The following UBN2 variants were observed in gnomAD, a reference collection of about 807,000 sequenced individuals.
The protein encoded by UBN2 is ubinuclein-2.
UBN2 carries 35 observed loss-of-function variants against 120.2 expected under a neutral mutation model. That is an observed-to-expected ratio of 0.29 (90% CI 0.22 to 0.39). The LOEUF (loss-of-function observed/expected upper bound fraction) is 0.39. Among genes scored for constraint, UBN2 ranks in the 10% least tolerant of loss-of-function variants. The probability of loss-of-function intolerance (pLI) is 1.00; values close to 1 mark genes in which losing one functional copy is unlikely to be tolerated. For missense variants in UBN2, 1,693 were observed against 1,663.2 expected (o/e 1.02, Z -0.31); for synonymous variants, 661 against 648.7 (o/e 1.02, Z -0.29).
In UBN2 at chr7:139,261,261, T is replaced by G; in HGVS notation, c.915T>G (p.Ala305=). Residue 305 remains alanine (A), a synonymous_variant, in exon 6 of 18, where the codon GCT becomes GCG. Transcript: ENST00000473989. ...KKVPKQLGVV[A]LNSHKSEKKK... is the part of the protein sequence containing the mutation. The stretch of plus-strand genomic sequence containing the variant: ...ATTTTTGTCTTCACAGAGTTGTGGC[T>G]CTAAATTCACACAAGTCTGAAAAAA... The G allele has an allele frequency of 6.2e-7, 1 of 1,605,448 alleles. No homozygotes were observed.
intron 3 of UBN2, among the ~76,000 whole-genome samples, chr7:139,255,927 CTT>C (rs1304615516): frequency 1.3e-5 from 2 of 152,162 alleles, no homozygotes; most frequent in African/African-American, 4.8e-5. Context: ...TAGATAGTCT[CTT>C]TTAAATTTCA....
intron 2 of UBN2, among the ~76,000 whole-genome samples, chr7:139,237,961 A>C (rs541847528): frequency 5.3e-5 from 8 of 152,352 alleles, no homozygotes; most frequent in African/African-American, 1.9e-4. Flanking sequence ...ATTCAGTGCC[A>C]CAATATAGTG....
At chr7:139,252,343 C>G (rs888614915) in intron 3 of UBN2, among the ~76,000 whole-genome samples, 1 of 151,902 alleles carries the variant, frequency 6.6e-6, no homozygotes, top group African/African-American at 2.4e-5. Flanking sequence ...GTATTTTAGA[C>G]TTTGTGAACC....
intron 2 of UBN2, among the ~76,000 whole-genome samples, chr7:139,250,906 A>G (rs909259695): frequency 8.5e-5 from 13 of 152,306 alleles, no homozygotes; most frequent in Admixed American, 8.5e-4. Flanking sequence ...CAGAAGTTCA[A>G]GAACAGCCTG....
chr7:139,289,039 A>G (rs1016871405), intron 15 of UBN2, among the ~76,000 whole-genome samples: 3 of 151,956 alleles, frequency 2.0e-5, no homozygotes, highest in Non-Finnish European at 4.4e-5. Context: ...CACTACGGGA[A>G]GAGCAAGGAT....
chr7:139,232,017 C>G, intron 1 of UBN2, 65 bp downstream of exon 1: 1 of 1,506,506 alleles, frequency 6.6e-7, no homozygotes, highest in South Asian at 1.1e-5. Flanking sequence ...CCTTCCCCAG[C>G]TGGTTTGCAC....
At position 139,300,187 on chromosome 7, in the gene UBN2, T is replaced by C. The variant is rs1029986863; in HGVS notation, c.*2351T>C. On this transcript the variant is annotated 3_prime_UTR_variant, in exon 18 of 18. Coordinates refer to ENST00000473989, the MANE Select transcript of UBN2 (RefSeq NM_173569.4). ...ATCTGAAGGCCCTTGGCTCCAAGAATACAATGTGGAGATTCTTCTGTGTTC... is the reference window on the plus strand; with the variant it reads ...ATCTGAAGGCCCTTGGCTCCAAGAACACAATGTGGAGATTCTTCTGTGTTC... The C allele has an allele frequency of 6.6e-6, 1 of 152,172 alleles. No homozygotes were observed. The allele number at this position is 152,172 out of a possible 1,614,324, so 9.4% of individuals were successfully genotyped here.
Position 139,272,421 on chromosome 7 carries a change from A to G in UBN2, c.1696A>G (p.Ser566Gly), listed in dbSNP as rs1797304199. The change falls in exon 9 of 18, where the codon AGT becomes GGT. Residue 566 changes from serine to glycine, a missense_variant. Around this residue, in one of 5 missense-constraint regions of UBN2, gnomAD observed 178 missense variants for 204.0 expected, o/e 0.87. Transcript: ENST00000473989. ...FKYQEDCQAR[S>G]QAKCAKLQTD... ...ATACCAGGAGGACTGCCAGGCTCGT[A>G]GTCAAGCTAAGTGTGCCAAGTATGT... 3 of 1,612,940 alleles carry G rather than the reference A, an allele frequency of 1.9e-6. No homozygotes were observed. The highest frequency in any genetic ancestry group is 2.5e-6 in the Non-Finnish European group (3 of 1,179,722).
rs769173784 is a variant in UBN2, at chr7:139,297,974, AAAAAG to A, written c.*148_*152del. ...CGTCCCAAGCACTGTGGTGAGGAGG[AAAAAG>A]AAAAGAAAACATTACTTGAGCAAAG... On this transcript the variant is annotated 3_prime_UTR_variant, in exon 18 of 18. Transcript: ENST00000473989. The A allele has an allele frequency of 1.1e-6, 1 of 933,036 alleles. No homozygotes were observed. The allele number at this position is 933,036 out of a possible 1,614,324, so 57.8% of individuals were successfully genotyped here.
chr7:139,284,685 C>T, intron 15 of UBN2, 111 bp downstream of exon 15: 1 of 912,904 alleles, frequency 1.1e-6, no homozygotes, highest in Non-Finnish European at 1.6e-6. Context: ...TCTCAATTGG[C>T]TTATTACAGC....
the UBN2 span, among the ~76,000 whole-genome samples, chr7:139,324,692 C>T: frequency 0.23 from 34,414 of 149,400 alleles, 4,246 homozygotes; most frequent in Admixed American, 0.35. Flanking sequence ...AGAATATGGC[C>T]GGGCGCGGTG....
chr7:139,286,426 C>A (rs1797789734), intron 15 of UBN2, among the ~76,000 whole-genome samples: 2 of 152,098 alleles, frequency 1.3e-5, no homozygotes, highest in African/African-American at 4.8e-5. Context: ...TATGCCACTT[C>A]TTTGTATTCT....
chr7:139,285,197 T>C (rs1797748099), intron 15 of UBN2, among the ~76,000 whole-genome samples: 1 of 152,174 alleles, frequency 6.6e-6, no homozygotes, highest in Admixed American at 6.5e-5. Context: ...GCTGAGTGCC[T>C]CACTCAAGCA....
intron 2 of UBN2, among the ~76,000 whole-genome samples, chr7:139,239,518 A>C (rs557322317): frequency 1.3e-5 from 2 of 148,300 alleles, no homozygotes; most frequent in Admixed American, 1.3e-4. Context: ...CTAAATTACC[A>C]GTTCTACTCC....
In UBN2 at chr7:139,293,273, G is replaced by A; in HGVS notation, c.3711G>A (p.Leu1237=). The change falls in exon 16 of 18, where the codon CTG becomes CTA. Residue 1237 remains leucine, a synonymous_variant. Transcript: ENST00000473989. The stretch of plus-strand genomic sequence containing the variant: ...CATTATTGGCTAATGCCTCACCTCT[G>A]ACTCTCATGACATCACCTTTGTCTG... The part of the protein sequence containing the change: ...GASLLANASP[L]TLMTSPLSVT... 1.2e-6 allele frequency: 2 copies of A among 1,614,184 alleles called. No homozygotes were observed. Among genetic ancestry groups the A allele is most frequent in the Middle Eastern group, 1.7e-4 (1 of 6,060 alleles).
chr7:139,256,178 C>T (rs1268602932), intron 3 of UBN2, among the ~76,000 whole-genome samples: 1 of 152,102 alleles, frequency 6.6e-6, no homozygotes, highest in Non-Finnish European at 1.5e-5. Context: ...CAGAATACTG[C>T]ATAAGAAAAC....
chr7:139,296,576 A>G (rs1048523617), intron 17 of UBN2, among the ~76,000 whole-genome samples: 2 of 152,124 alleles, frequency 1.3e-5, no homozygotes, highest in Non-Finnish European at 1.5e-5. Flanking sequence ...GACTTTCTCC[A>G]TATTCTGTTG....
At chr7:139,256,634 G>A (rs868325708) in intron 3 of UBN2, among the ~76,000 whole-genome samples, 4 of 152,108 alleles carry the variant, frequency 2.6e-5, no homozygotes, top group Non-Finnish European at 5.9e-5. Context: ...AAAGAGTACA[G>A]GTGTTTTTAT....
At chr7:139,290,742 A>G (rs1187126890) in intron 15 of UBN2, among the ~76,000 whole-genome samples, 7 of 152,246 alleles carry the variant, frequency 4.6e-5, no homozygotes, top group African/African-American at 1.7e-4. Flanking sequence ...TTATTAACAA[A>G]TAAAGGAGAA....
Sources: gnomAD v4.1 joint callset for allele counts (sites outside exome capture counted in the v4.1 genomes callset) on GRCh38, gnomAD v4.1.1 for gene constraint, gnomAD v4.1.1 regional missense constraint, MANE v1.5 for transcripts, NCBI Gene and HGNC (gene_info 2026-07-23, HGNC 2026-07-21) for gene names.